The following PTPRM variants were observed in gnomAD, a reference collection of about 807,000 sequenced individuals.
PTPRM encodes the protein receptor-type tyrosine-protein phosphatase mu.
PTPRM carries 47 observed loss-of-function variants against 186.7 expected under a neutral mutation model. The observed-to-expected ratio is 0.25, with a 90% CI of 0.20 to 0.32. PTPRM has a LOEUF of 0.32. PTPRM is among the 10% of genes least tolerant of loss of function. PTPRM has a pLI of 1.00. For synonymous variants in PTPRM, 668 were observed against 674.9 expected (o/e 0.99, Z 0.16); for missense variants, 1,494 against 1,865.0 (o/e 0.80, Z 3.66).
intron 14 of PTPRM, among the ~76,000 whole-genome samples, chr18:8,179,526 G>A (rs1003074700): frequency 6.8e-6 from 1 of 148,082 alleles, no homozygotes; most frequent in African/African-American, 2.5e-5. Flanking sequence ...CTGGAGTGTA[G>A]TGGTGCAATC....
At chr18:7,781,426 C>T (rs2042848254) in intron 2 of PTPRM, among the ~76,000 whole-genome samples, 1 of 152,114 alleles carries the variant, frequency 6.6e-6, no homozygotes, top group Admixed American at 6.5e-5. Context: ...GTTGAATCTG[C>T]AAACAATCAA....
At chr18:8,085,956 C>G (rs1006774072) in intron 10 of PTPRM, 84 bp downstream of exon 10, 3 of 1,310,368 alleles carry the variant, frequency 2.3e-6, no homozygotes, top group South Asian at 2.4e-5. Flanking sequence ...ATGCCAAGCT[C>G]GCCCACACTA....
intron 9 of PTPRM, among the ~76,000 whole-genome samples, chr18:8,085,450 T>G (rs1351893312): frequency 6.6e-6 from 1 of 152,186 alleles, no homozygotes; most frequent in Non-Finnish European, 1.5e-5. Flanking sequence ...ATCCTGTATA[T>G]TCTAATCTAC....
At chr18:8,227,188 A>G (rs529314420) in intron 14 of PTPRM, among the ~76,000 whole-genome samples, 20 of 152,316 alleles carry the variant, frequency 1.3e-4, no homozygotes, top group Admixed American at 7.2e-4. Flanking sequence ...ACCTAATAAA[A>G]TATATTCACA....
chr18:7,789,162 A>G (rs1167155884), intron 2 of PTPRM, among the ~76,000 whole-genome samples: 1 of 152,054 alleles, frequency 6.6e-6, no homozygotes, highest in East Asian at 1.9e-4. Context: ...CTCTACAAAA[A>G]TAAAAATACA....
Position 8,034,293 on chromosome 18 carries a change from A to G in PTPRM, c.1133-35393A>G, listed in dbSNP as rs537061232. On this transcript the variant is annotated intron_variant, in intron 7 of 32. Transcript: ENST00000580170. ...ATACGTTCACCCTATCCCAACATCT[A>G]AAAGTCTCAACCCACTATAGTGTCA... 5.5e-4 allele frequency among the ~76,000 whole-genome samples: 84 copies of G among 152,204 alleles called. No individual in the cohort carries two copies. In the South Asian group the frequency reaches 0.016, roughly 29 times the overall value.
intron 1 of PTPRM, among the ~76,000 whole-genome samples, chr18:7,570,252 T>C (rs1336260833): frequency 6.6e-6 from 1 of 152,206 alleles, no homozygotes; most frequent in Non-Finnish European, 1.5e-5. Flanking sequence ...GGGTTTTGTT[T>C]TTTGTTTTTG....
chr18:8,237,462 T>TC (rs1244130080), intron 14 of PTPRM, among the ~76,000 whole-genome samples: 1 of 80,246 alleles, frequency 1.2e-5, no homozygotes, highest in Non-Finnish European at 2.6e-5. Context: ...TTTTTTTTTT[T>TC]CCTGAGACAG....
chr18:7,875,821 G>GTATC (rs1449327009), intron 2 of PTPRM, among the ~76,000 whole-genome samples: 15 of 152,156 alleles, frequency 9.9e-5, no homozygotes, highest in Non-Finnish European at 1.5e-4. Flanking sequence ...TCTGAGAAAT[G>GTATC]TATCGTCAGG....
At chr18:7,904,480 T>A (rs934157790) in intron 3 of PTPRM, among the ~76,000 whole-genome samples, 1 of 152,206 alleles carries the variant, frequency 6.6e-6, no homozygotes, top group African/African-American at 2.4e-5. Context: ...TCTAGAATCT[T>A]AACATTACAA....
chr18:8,282,698 T>C (rs1414281142), intron 19 of PTPRM, among the ~76,000 whole-genome samples: 1 of 151,956 alleles, frequency 6.6e-6, no homozygotes, highest in Non-Finnish European at 1.5e-5. Context: ...AACAACAGAT[T>C]TACTACATGA....
intron 1 of PTPRM, among the ~76,000 whole-genome samples, chr18:7,731,642 C>A (rs1201463249): frequency 6.6e-6 from 1 of 152,104 alleles, no homozygotes; most frequent in Non-Finnish European, 1.5e-5. Flanking sequence ...TTGATCCTAC[C>A]ATGTATCTTT....
chr18:7,596,458 C>T (rs1477922831), intron 1 of PTPRM, among the ~76,000 whole-genome samples: 1 of 152,222 alleles, frequency 6.6e-6, no homozygotes, highest in Admixed American at 6.5e-5. Flanking sequence ...TCACAAGATG[C>T]AGGGTGAGTA....
At position 7,874,165 on chromosome 18, in the gene PTPRM, A is replaced by G. The variant is rs559581732; in HGVS notation, c.197-13941A>G. Among the ~76,000 whole-genome samples, 10 of 152,348 alleles carry G rather than the reference A, an allele frequency of 6.6e-5. No individual in the cohort carries two copies. In the East Asian group the frequency reaches 1.9e-3, roughly 29 times the overall value. On this transcript the variant is annotated intron_variant, in intron 2 of 32. Coordinates refer to ENST00000580170, the MANE Select transcript of PTPRM (RefSeq NM_001105244.2). ...TGTGTCTGTATGTTTATTTGTATAT[A>G]AAGAAGTATCCTGAGGGAAACATAC...
chr18:7,688,212 G>A (rs2039652590), intron 1 of PTPRM, among the ~76,000 whole-genome samples: 1 of 152,182 alleles, frequency 6.6e-6, no homozygotes, highest in Non-Finnish European at 1.5e-5. Context: ...ACTTTTGAAA[G>A]ACTTACATTG....
intron 2 of PTPRM, among the ~76,000 whole-genome samples, chr18:7,844,256 T>A (rs1225844140): frequency 6.6e-6 from 1 of 152,164 alleles, no homozygotes; most frequent in Non-Finnish European, 1.5e-5. Context: ...CCATAAGAAT[T>A]CACATCATAT....
chr18:7,757,720 G>C (rs994685904), intron 1 of PTPRM, among the ~76,000 whole-genome samples: 1 of 152,200 alleles, frequency 6.6e-6, no homozygotes, highest in Admixed American at 6.5e-5. Context: ...TTCTGTGGCA[G>C]TGGGTCTTAA....
In PTPRM at chr18:8,244,218, A is replaced by G. The variant is rs2094457003; in HGVS notation, c.2452+9A>G. 5.9e-6 allele frequency: 9 copies of G among 1,535,570 alleles called. No homozygotes were observed. The highest frequency in any genetic ancestry group is 4.3e-5 in the African/African-American group (3 of 69,774). ...CAATCTGAATGGGAGATGTAAGTGC[A>G]TATGTTTCTTGGCTTCTAACACATC... On this transcript the variant is annotated intron_variant, in intron 15 of 32. Transcript: ENST00000580170.
At chr18:8,293,634 A>C (rs1255682910) in intron 19 of PTPRM, among the ~76,000 whole-genome samples, 1 of 152,198 alleles carries the variant, frequency 6.6e-6, no homozygotes, top group Admixed American at 6.5e-5. Flanking sequence ...AAATTTTTGG[A>C]AGTCAAATAG....
Sources: gnomAD v4.1 joint callset for allele counts (sites outside exome capture counted in the v4.1 genomes callset) on GRCh38, gnomAD v4.1.1 for gene constraint, MANE v1.5 for transcripts, NCBI Gene and HGNC (gene_info 2026-07-23, HGNC 2026-07-21) for gene names.